SGCZ: variants seen among roughly 807,000 people sequenced by gnomAD.
The protein encoded by SGCZ is zeta-sarcoglycan.
SGCZ carries 40 observed loss-of-function variants against 41.3 expected under a neutral mutation model. The observed-to-expected ratio is 0.97, with a 90% confidence interval of 0.75 to 1.26. The LOEUF (loss-of-function observed/expected upper bound fraction) is 1.26, where lower values mean the gene tolerates loss of function less well. SGCZ is among the 50% of genes most tolerant of loss of function. SGCZ has a pLI of 0.00. For missense variants in SGCZ, 552 were observed against 369.8 expected (o/e 1.49, Z -4.04); for synonymous variants, 206 against 137.5 (o/e 1.50, Z -3.49).
At chr8:15,131,691 A>G (rs1216849402) in intron 1 of SGCZ, among the ~76,000 whole-genome samples, 1 of 152,190 alleles carries the variant, frequency 6.6e-6, no homozygotes, top group Non-Finnish European at 1.5e-5. Flanking sequence ...TTTCCTGCAG[A>G]ACAGTTATTG....
At chr8:15,131,098 G>C (rs1372407812) in intron 1 of SGCZ, among the ~76,000 whole-genome samples, 1 of 152,122 alleles carries the variant, frequency 6.6e-6, no homozygotes, top group East Asian at 1.9e-4. Context: ...TGATTACCAA[G>C]TAGAGTGACA....
intron 2 of SGCZ, among the ~76,000 whole-genome samples, chr8:14,551,496 T>TA (rs1803826633): frequency 0.1 from 200 of 1,948 alleles, 12 homozygotes; most frequent in South Asian, 0.21. Context: ...ATATTATATA[T>TA]ATTATATATA....
rs371723698 is a variant in SGCZ at position 15,198,385 on chromosome 8, T to C, written c.39+39200A>G. Among the ~76,000 whole-genome samples the C allele has an allele frequency of 3.9e-5, 6 of 152,202 alleles. No individual in the cohort carries two copies. In the South Asian group the frequency reaches 1.2e-3, roughly 32 times the overall value. ...TTCTTTTATATAATAAATATGCATA[T>C]TAAATTTCACAGGGCCTTTAGGGTA... On this transcript the variant is annotated intron_variant, in intron 1 of 7. Transcript: ENST00000382080.
chr8:14,659,731 G>C (rs1016670803), intron 1 of SGCZ, among the ~76,000 whole-genome samples: 1 of 152,152 alleles, frequency 6.6e-6, no homozygotes, highest in Admixed American at 6.6e-5. Flanking sequence ...TGAAGCAATA[G>C]TGCTGATATT....
chr8:14,123,930 C>T (rs771801903), intron 5 of SGCZ, among the ~76,000 whole-genome samples: 6 of 151,994 alleles, frequency 3.9e-5, no homozygotes, highest in Admixed American at 3.3e-4. Context: ...AAGAGAGAGG[C>T]ACAAGAATAG....
intron 2 of SGCZ, among the ~76,000 whole-genome samples, chr8:14,333,615 T>A (rs931873265): frequency 3.3e-5 from 5 of 152,130 alleles, no homozygotes; most frequent in Non-Finnish European, 7.4e-5. Context: ...ATATTAACAT[T>A]CAGATGAGTT....
intron 2 of SGCZ, among the ~76,000 whole-genome samples, chr8:14,547,026 A>G (rs561727752): frequency 1.4e-5 from 2 of 147,824 alleles, no homozygotes; most frequent in Admixed American, 1.3e-4. Flanking sequence ...ATCTTGCTGG[A>G]AAAAAAAAAG....
At chr8:14,247,535 G>C (rs1799145133) in intron 3 of SGCZ, among the ~76,000 whole-genome samples, 1 of 152,196 alleles carries the variant, frequency 6.6e-6, no homozygotes, top group Admixed American at 6.5e-5. Context: ...TATCCTAAAA[G>C]GGAATAGTAC....
intron 4 of SGCZ, among the ~76,000 whole-genome samples, chr8:14,214,119 A>G (rs1453638874): frequency 6.6e-6 from 1 of 152,152 alleles, no homozygotes. Flanking sequence ...TGTTGATTGC[A>G]TGTGCCCTTG....
At chr8:14,922,641 G>A (rs2130793424) in intron 1 of SGCZ, among the ~76,000 whole-genome samples, 1 of 152,124 alleles carries the variant, frequency 6.6e-6, no homozygotes, top group South Asian at 2.1e-4. Context: ...TGAGAATCAT[G>A]AATACAAAAA....
At chr8:14,938,421 G>T (rs1008481911) in intron 1 of SGCZ, among the ~76,000 whole-genome samples, 2 of 152,078 alleles carry the variant, frequency 1.3e-5, no homozygotes, top group African/African-American at 4.8e-5. Flanking sequence ...AAATGATGAA[G>T]ATGAAGACAT....
Position 15,237,863 on chromosome 8 carries a change from C to A in SGCZ, c.-240G>T, listed in dbSNP as rs943988583. The A allele has an allele frequency of 1.6e-5, 8 of 498,808 alleles. No homozygotes were observed. Among genetic ancestry groups the A allele is most frequent in the African/African-American group, 3.9e-5 (2 of 51,532 alleles). The allele number at this position is 498,808 out of a possible 1,614,324, so 30.9% of individuals were successfully genotyped here. On this transcript the variant is annotated 5_prime_UTR_variant, in exon 1 of 8. Transcript: ENST00000382080. The stretch of plus-strand genomic sequence containing the variant: ...AGATTTAGTGACAGGTGATCTCTAC[C>A]GCGGTGCAACACAGCTGAGTCGATT...
intron 1 of SGCZ, among the ~76,000 whole-genome samples, chr8:14,965,943 T>C (rs1420838862): frequency 1.3e-5 from 2 of 152,026 alleles, no homozygotes. Context: ...AAAACTAAAA[T>C]GGGAGATTGT....
intron 1 of SGCZ, among the ~76,000 whole-genome samples, chr8:14,910,071 T>C (rs1039526160): frequency 1.3e-5 from 2 of 152,154 alleles, no homozygotes; most frequent in Non-Finnish European, 1.5e-5. Flanking sequence ...TATCTAAATA[T>C]AAAACTGTAA....
intron 3 of SGCZ, among the ~76,000 whole-genome samples, chr8:14,246,688 A>G (rs1215886157): frequency 1.3e-5 from 2 of 151,806 alleles, no homozygotes; most frequent in Non-Finnish European, 2.9e-5. Context: ...CGGGCAGATC[A>G]CGGGGTCAGG....
intron 5 of SGCZ, among the ~76,000 whole-genome samples, chr8:14,126,400 A>G (rs1418768919): frequency 6.6e-6 from 1 of 152,224 alleles, no homozygotes; most frequent in Non-Finnish European, 1.5e-5. Context: ...CACTGATTAG[A>G]GAAATGCAAA....
intron 1 of SGCZ, among the ~76,000 whole-genome samples, chr8:15,153,536 G>A (rs983923939): frequency 6.7e-6 from 1 of 150,356 alleles, no homozygotes; most frequent in African/African-American, 2.4e-5. Context: ...TGATGGAGGT[G>A]GGGCCGGGTA....
intron 1 of SGCZ, among the ~76,000 whole-genome samples, chr8:14,571,480 T>C (rs540722394): frequency 9.9e-5 from 15 of 152,222 alleles, no homozygotes; most frequent in African/African-American, 4.8e-5. Flanking sequence ...ACTATCTGAT[T>C]ATTCCTATTA....
intron 1 of SGCZ, among the ~76,000 whole-genome samples, chr8:14,790,590 A>G (rs1460749838): frequency 6.6e-6 from 1 of 152,192 alleles, no homozygotes; most frequent in East Asian, 1.9e-4. Flanking sequence ...ATAAATAACT[A>G]AGAATTAAAG....
Sources: gnomAD v4.1 joint callset for allele counts (sites outside exome capture counted in the v4.1 genomes callset) on GRCh38, gnomAD v4.1.1 for gene constraint, MANE v1.5 for transcripts, NCBI Gene and HGNC (gene_info 2026-07-23, HGNC 2026-07-21) for gene names.